The following TSEN34 variants were observed in gnomAD, a reference collection of about 807,000 sequenced individuals.
The protein encoded by TSEN34 is tRNA splicing endonuclease subunit 34.
TSEN34 carries 25 observed loss-of-function variants against 30.2 expected under a neutral mutation model. The observed-to-expected ratio is 0.83, with a 90% CI of 0.60 to 1.16. TSEN34 has a LOEUF of 1.16. TSEN34 is among the 50% of genes most tolerant of loss of function. The pLI, the probability that TSEN34 is intolerant of heterozygous loss-of-function variation, is 0.00. For missense variants in TSEN34, 475 were observed against 411.9 expected, an observed-to-expected ratio of 1.15 and a Z score of -1.33; for synonymous variants, 209 against 177.4, an observed-to-expected ratio of 1.18 and a Z score of -1.41.
chr19:54,191,458 A>C lies in TSEN34; in HGVS notation c.94A>C (p.Thr32Pro), dbSNP rs746020777. ...LRERLGVGGRTVGALPRGPRQ... is the reference protein window; with the variant it reads ...LRERLGVGGRPVGALPRGPRQ... The stretch of plus-strand genomic sequence containing the variant: ...GGAGCGCCTGGGTGTGGGGGGCCGC[A>C]CGGTAGGCGCCCTGCCCCGCGGGCC... The change falls in exon 1 of 4, where the codon ACG (threonine) becomes CCG (proline). Residue 32 changes from threonine (T) to proline (P), a missense_variant. Physicochemically the swap from Thr to Pro is conservative, Grantham distance 38. Coordinates refer to ENST00000396388, the MANE Select transcript of TSEN34 (RefSeq NM_001077446.4). 9.0e-6 allele frequency: 14 copies of C among 1,547,876 alleles called. No homozygotes were observed. The Admixed American group carries it at 1.8e-4, about 19-fold the overall frequency.
rs1367191524 is a variant in TSEN34 at position 54,194,366 on chromosome 19, T to A, written c.*1004T>A. On this transcript the variant is annotated 3_prime_UTR_variant, in exon 4 of 4. Transcript: ENST00000396388. ...GAATTTTTTTGATACTGTATATTTA[T>A]ATTTTAGACTCTTTTTTGGATGTGT... 3 of 152,256 alleles carry A rather than the reference T, an allele frequency of 2.0e-5. No individual in the cohort carries two copies. Among genetic ancestry groups the A allele is most frequent in the East Asian group, 3.9e-4 (2 of 5,190 alleles). 9.4% of individuals were successfully genotyped at this position (152,256 alleles called of 1,614,324 possible).
Position 54,193,682 on chromosome 19 carries a change from T to C in TSEN34, c.*320T>C. On this transcript the variant is annotated 3_prime_UTR_variant, in exon 4 of 4. Coordinates refer to ENST00000396388, the MANE Select transcript of TSEN34 (RefSeq NM_001077446.4). ...TATAAATGTTCATGATTTGAATGTT[T>C]GCGACAGTCCTGGAACCCGTGGATG... is the stretch of plus-strand genomic sequence containing the variant. 1 of 860,412 alleles carries C rather than the reference T, an allele frequency of 1.2e-6. No individual in the cohort carries two copies. The highest frequency in any genetic ancestry group is 1.9e-6 in the Non-Finnish European group (1 of 529,622). 53.3% of individuals were successfully genotyped at this position (860,412 alleles called of 1,614,324 possible).
In TSEN34 at chr19:54,192,306, C is replaced by T. The variant is rs770061686; in HGVS notation, c.678C>T (p.Asp226=). 1.3e-5 allele frequency: 21 copies of T among 1,614,036 alleles called. No individual in the cohort carries two copies. Among genetic ancestry groups the T allele is most frequent in the Admixed American group, 1.7e-5 (1 of 60,004 alleles). ...AGCTGCGCTACAGTATCTACAGAGA[C>T]CTGTGGGAGCGAGGCTTCTTCCTCA... The part of the protein sequence containing the change: ...AHELRYSIYR[D]LWERGFFLSA... The change falls in exon 3 of 4, where the codon GAC becomes GAT. Residue 226 remains aspartate (D), a synonymous_variant. Transcript: ENST00000396388.
In TSEN34 at chr19:54,191,687, A is replaced by G. The variant is rs747499596; in HGVS notation, c.244-34A>G. On this transcript the variant is annotated intron_variant, in intron 1 of 3. Coordinates refer to ENST00000396388, the MANE Select transcript of TSEN34 (RefSeq NM_001077446.4). ...GTTTCCTGGCTTCTGAAGGGACCAT[A>G]AGCTTGGAGGTTCCAGCGAAGTGTG... 8.1e-6 allele frequency: 13 copies of G among 1,613,350 alleles called. 1 individual carries two copies. The East Asian group carries it at 1.1e-4, about 14-fold the overall frequency.
upstream of TSEN34, chr19:54,190,326 T>C: frequency 2.6e-6 from 4 of 1,510,986 alleles, no homozygotes; most frequent in South Asian, 4.8e-5. Flanking sequence ...CGTGGCGCGG[T>C]GCGCAGTGGG....
intron 3 of TSEN34, 70 bp from the exon 4 acceptor site, chr19:54,193,105 A>G: frequency 6.2e-6 from 10 of 1,608,232 alleles, no homozygotes; most frequent in African/African-American, 1.3e-5. Context: ...ATCTCCTCCC[A>G]GTGGTCGTTC....
upstream of TSEN34, chr19:54,190,642 C>A (rs981592903): frequency 8.0e-7 from 1 of 1,249,556 alleles, no homozygotes; most frequent in Non-Finnish European, 1.0e-6. Context: ...CGGGAGGAGG[C>A]GGGGCTACGG....
rs79551746 is a variant in TSEN34, at chr19:54,194,166, T to G, written c.*804T>G. On this transcript the variant is annotated 3_prime_UTR_variant, in exon 4 of 4. Transcript: ENST00000396388. ...GAGCAAGAACCTGTCTCAAAAAATA[T>G]ATATATGTGTGTGTGTATATATGTA... 1 of 164,850 alleles carries G rather than the reference T, an allele frequency of 6.1e-6. No homozygotes were observed. Among genetic ancestry groups the G allele is most frequent in the Non-Finnish European group, 1.3e-5 (1 of 75,208 alleles). 10.2% of individuals were successfully genotyped at this position (164,850 alleles called of 1,614,324 possible).
chr19:54,191,270 C>T (rs1468785895), upstream of TSEN34: 1 of 1,522,590 alleles, frequency 6.6e-7, no homozygotes, highest in Admixed American at 2.0e-5. Context: ...AGGGGCGGGG[C>T]TTCGCCGAGA....
At chr19:54,190,345 C>T (rs747983043), upstream of TSEN34, 30 of 1,530,180 alleles carry the variant, frequency 2.0e-5, no homozygotes, top group East Asian at 2.6e-5. Flanking sequence ...GGTGGCTCCA[C>T]CTCGACTGCG....
rs775204637 is a variant in TSEN34 at position 54,191,944 on chromosome 19, C to A, written c.467C>A (p.Ser156Ter). The change falls in exon 2 of 4, where the codon TCG becomes TAG. Residue 156 changes from serine to a stop codon, truncating the protein, a stop_gained. Transcript: ENST00000396388. LOFTEE classifies it high-confidence loss of function. ...GATGAGACCAGTGATGGCCAGGCTT[C>A]GGGAGAGCAGGAGGAAGCTGGTGAG... ...KEDETSDGQA[S>*]GEQEEAGPSS... The A allele has an allele frequency of 9.3e-6, 15 of 1,613,948 alleles. No homozygotes were observed. The highest frequency in any genetic ancestry group is 2.5e-6 in the Non-Finnish European group (3 of 1,179,988).
rs1489259628 is a variant in TSEN34 at position 54,193,510 on chromosome 19, A to G, written c.*148A>G. ...GGTTTTCGAACACTACATCTTTTTT[A>G]TGTTCTTCCTTGTTTCAAAGCACTT... On this transcript the variant is annotated 3_prime_UTR_variant, in exon 4 of 4. Transcript: ENST00000396388. 2.6e-6 allele frequency: 4 copies of G among 1,542,086 alleles called. No individual in the cohort carries two copies. The highest frequency in any genetic ancestry group is 3.5e-6 in the Non-Finnish European group (4 of 1,145,214).
Position 54,192,360 on chromosome 19 carries a change from C to T in TSEN34, c.732C>T (p.Phe244=). The change falls in exon 3 of 4, where the codon TTC becomes TTT. Residue 244 remains phenylalanine (F), a synonymous_variant. Transcript: ENST00000396388. ...CGGCTGGCAAGTTCGGAGGTGACTT[C>T]CTGGTCTATCCTGGTGAGTATGGGT... ...LSAAGKFGGD[F]LVYPGDPLRF... 1.9e-6 allele frequency: 3 copies of T among 1,614,116 alleles called. No homozygotes were observed. Among genetic ancestry groups the T allele is most frequent in the Non-Finnish European group, 2.5e-6 (3 of 1,180,028 alleles).
rs1275124394 is a variant in TSEN34, at chr19:54,191,440, C to T, written c.76C>T (p.Leu26=). The T allele has an allele frequency of 2.6e-6, 4 of 1,548,174 alleles. No individual in the cohort carries two copies. Among genetic ancestry groups the T allele is most frequent in the Non-Finnish European group, 1.7e-6 (2 of 1,146,752 alleles). ...AEAVQALRER[L]GVGGRTVGAL... The stretch of plus-strand genomic sequence containing the variant: ...GGCGGTGCAGGCCCTCCGGGAGCGC[C>T]TGGGTGTGGGGGGCCGCACGGTAGG... The change falls in exon 1 of 4, where the codon CTG becomes TTG. Residue 26 remains leucine (L), a synonymous_variant. Transcript: ENST00000396388.
At chr19:54,190,407 T>G (rs1174752176), upstream of TSEN34, 1 of 1,471,096 alleles carries the variant, frequency 6.8e-7, no homozygotes, top group East Asian at 2.8e-5. Context: ...CAGTGGGACA[T>G]TCTGAAGGGA....
chr19:54,193,623 G>T lies in TSEN34; in HGVS notation c.*261G>T. The T allele has an allele frequency of 7.9e-7, 1 of 1,269,896 alleles. No homozygotes were observed. Among genetic ancestry groups the T allele is most frequent in the Non-Finnish European group, 1.1e-6 (1 of 904,342 alleles). 78.7% of individuals were successfully genotyped at this position (1,269,896 alleles called of 1,614,324 possible). On this transcript the variant is annotated 3_prime_UTR_variant, in exon 4 of 4. Coordinates refer to ENST00000396388, the MANE Select transcript of TSEN34 (RefSeq NM_001077446.4). ...GTTTGATTCATCTGTTTTCTACAGG[G>T]TTTAAGTCTCAGGAGGTCTCAATAA...
At chr19:54,191,057 C>T (rs1004635384), upstream of TSEN34, 24 of 1,264,156 alleles carry the variant, frequency 1.9e-5, no homozygotes, top group Admixed American at 6.8e-4. Context: ...GCAGTGCGGG[C>T]ACAGAGCGGG....
At position 54,193,425 on chromosome 19, in the gene TSEN34, C is replaced by G; in HGVS notation, c.*63C>G. On this transcript the variant is annotated 3_prime_UTR_variant, in exon 4 of 4. Transcript: ENST00000396388. ...AAGAGCCTTTCTGGATGTTCCCCAG[C>G]TCTTCTCTGGGAGTCTAGAACATCC... 1 of 1,606,990 alleles carries G rather than the reference C, an allele frequency of 6.2e-7. No individual in the cohort carries two copies. The highest frequency in any genetic ancestry group is 8.5e-7 in the Non-Finnish European group (1 of 1,176,926).
upstream of TSEN34, chr19:54,191,281 C>G: frequency 1.3e-6 from 2 of 1,537,180 alleles, no homozygotes; most frequent in Non-Finnish European, 1.7e-6. Context: ...TTCGCCGAGA[C>G]CCCGGAGGCT....
Sources: gnomAD v4.1 joint callset for allele counts on GRCh38, gnomAD v4.1.1 for gene constraint, MANE v1.5 for transcripts, NCBI Gene and HGNC (gene_info 2026-07-23, HGNC 2026-07-21) for gene names.